Variants in OSBPL10 observed in about 807,000 individuals in gnomAD.
OSBPL10 encodes oxysterol-binding protein-related protein 10.
OSBPL10 carries 49 observed loss-of-function variants against 81.7 expected under a neutral mutation model. The ratio of observed to expected loss-of-function variants is 0.60; its 90% CI spans 0.48 to 0.76. The LOEUF is 0.76. Ranked by LOEUF, OSBPL10 falls within the 30% of genes least tolerant of loss-of-function variation. The pLI is 0.00. For synonymous variants in OSBPL10, 419 were observed against 383.6 expected (o/e 1.09, Z -1.08); for missense variants, 923 against 987.8 (o/e 0.93, Z 0.88).
chr3:31,863,156 C>T (rs1378643583), intron 3 of OSBPL10, among the ~76,000 whole-genome samples: 1 of 152,072 alleles, frequency 6.6e-6, no homozygotes, highest in African/African-American at 2.4e-5. Context: ...GAAAAAAAGC[C>T]AGACACAAAG....
At chr3:32,036,033 T>C (rs142458157) in intron 2 of OSBPL10, among the ~76,000 whole-genome samples, 3 of 152,332 alleles carry the variant, frequency 2.0e-5, no homozygotes, top group Non-Finnish European at 4.4e-5. Flanking sequence ...TACTTCATTA[T>C]GTATATTTTA....
intron 4 of OSBPL10, among the ~76,000 whole-genome samples, chr3:31,758,878 G>C (rs373764953): frequency 6.6e-6 from 1 of 152,246 alleles, no homozygotes; most frequent in East Asian, 1.9e-4. Flanking sequence ...CACCCTTGAA[G>C]TGCCTGTTTC....
chr3:31,857,806 GAGAGAGAGAAAGGGA>G (rs1559494203), intron 3 of OSBPL10, among the ~76,000 whole-genome samples: 10 of 126,434 alleles, frequency 7.9e-5, no homozygotes, highest in African/African-American at 1.1e-4. Flanking sequence ...CAGAAAGGGA[GAGAGAGAGAAAGGGA>G]GAGGGAGAGG....
In OSBPL10 at chr3:31,918,329, CTTTT is replaced by C. The variant is rs67029884; in HGVS notation, c.282-38503_282-38500del. On this transcript the variant is annotated intron_variant, in intron 1 of 11. Coordinates refer to ENST00000396556, the MANE Select transcript of OSBPL10 (RefSeq NM_017784.5). ...ACACACTGGAGTTGTTTTTTCTTTTCTTTTTTTTTTTTTTAAAGAGACAGGGTCT... is the reference window on the plus strand; with the variant it reads ...ACACACTGGAGTTGTTTTTTCTTTTCTTTTTTTTTTAAAGAGACAGGGTCT... Among the ~76,000 whole-genome samples, 1,304 of 148,310 alleles carry C rather than the reference CTTTT, an allele frequency of 8.8e-3. 14 individuals carry two copies. The highest frequency in any genetic ancestry group is 0.012 in the Non-Finnish European group (834 of 67,044).
chr3:32,006,932 T>A (rs1400581473), intron 2 of OSBPL10, among the ~76,000 whole-genome samples: 3 of 152,208 alleles, frequency 2.0e-5, no homozygotes, highest in Non-Finnish European at 4.4e-5. Context: ...TATTTTTATT[T>A]TTTCATTTCT....
chr3:31,946,602 T>C (rs4073766), intron 1 of OSBPL10, among the ~76,000 whole-genome samples: 43,644 of 152,022 alleles, frequency 0.29, 8,768 homozygotes, highest in African/African-American at 0.56. Flanking sequence ...GTAAAGGTAA[T>C]GGCATCCACC....
intron 8 of OSBPL10, among the ~76,000 whole-genome samples, chr3:31,674,738 G>A (rs952852748): frequency 6.6e-6 from 1 of 152,164 alleles, no homozygotes; most frequent in Non-Finnish European, 1.5e-5. Flanking sequence ...TGAGGCCCTC[G>A]TCAGAAGCAG....
chr3:32,073,475 A>G (rs1699849671), intron 1 of OSBPL10, among the ~76,000 whole-genome samples: 1 of 152,178 alleles, frequency 6.6e-6, no homozygotes, highest in African/African-American at 2.4e-5. Context: ...TGTATCCATC[A>G]GACAGACAGC....
chr3:31,803,123 G>A (rs763669001), intron 4 of OSBPL10, among the ~76,000 whole-genome samples: 13 of 151,850 alleles, frequency 8.6e-5, no homozygotes, highest in South Asian at 4.2e-4. Context: ...GTGTAACATC[G>A]GCTCCACCCA....
intron 4 of OSBPL10, among the ~76,000 whole-genome samples, chr3:31,813,022 G>A (rs1334276760): frequency 2.0e-5 from 3 of 152,064 alleles, no homozygotes; most frequent in African/African-American, 7.2e-5. Context: ...CATATTATGT[G>A]TTTTACATCG....
At chr3:31,880,830 G>C (rs1342737299) in intron 1 of OSBPL10, among the ~76,000 whole-genome samples, 1 of 152,160 alleles carries the variant, frequency 6.6e-6, no homozygotes, top group Non-Finnish European at 1.5e-5. Context: ...AACATTTCCT[G>C]CATTTGGCTT....
intron 7 of OSBPL10, among the ~76,000 whole-genome samples, chr3:31,684,933 G>A (rs138366382): frequency 6.6e-6 from 1 of 152,308 alleles, no homozygotes; most frequent in East Asian, 1.9e-4. Context: ...CAGAGACCTT[G>A]TAGAGGCCCG....
intron 2 of OSBPL10, among the ~76,000 whole-genome samples, chr3:31,996,765 C>T (rs1462349200): frequency 2.0e-5 from 3 of 151,968 alleles, no homozygotes; most frequent in East Asian, 1.9e-4. Flanking sequence ...AAAAAGATCC[C>T]GCTATCAACT....
At chr3:31,935,557 C>T (rs546286446) in intron 1 of OSBPL10, among the ~76,000 whole-genome samples, 66 of 149,120 alleles carry the variant, frequency 4.4e-4, no homozygotes, top group African/African-American at 1.6e-3. Flanking sequence ...GAGTCTCACT[C>T]TTTTCGCCCA....
chr3:32,052,397 G>C (rs1456946107), intron 1 of OSBPL10, among the ~76,000 whole-genome samples: 1 of 152,190 alleles, frequency 6.6e-6, no homozygotes, highest in East Asian at 1.9e-4. Flanking sequence ...ACAGTGTGGT[G>C]ATTCATCAAG....
intron 4 of OSBPL10, among the ~76,000 whole-genome samples, chr3:31,829,612 G>C (rs1700184097): frequency 6.6e-6 from 1 of 152,114 alleles, no homozygotes; most frequent in Non-Finnish European, 1.5e-5. Context: ...TGTCTATGAG[G>C]GGAAGCAGGA....
intron 1 of OSBPL10, among the ~76,000 whole-genome samples, chr3:32,073,654 C>T (rs1457862817): frequency 2.0e-5 from 3 of 152,164 alleles, no homozygotes; most frequent in Non-Finnish European, 4.4e-5. Flanking sequence ...TATGCAGTCA[C>T]CCCCACTACT....
intron 1 of OSBPL10, among the ~76,000 whole-genome samples, chr3:31,934,820 T>G (rs1328053035): frequency 6.6e-6 from 1 of 152,200 alleles, no homozygotes; most frequent in East Asian, 1.9e-4. Context: ...CTGCTTACTA[T>G]ATATCACCCT....
At chr3:31,965,849 AAAAGAT>A (rs1407144524) in intron 1 of OSBPL10, among the ~76,000 whole-genome samples, 4 of 60,598 alleles carry the variant, frequency 6.6e-5, no homozygotes, top group East Asian at 1.0e-3. Context: ...ATATTATATA[AAAAGAT>A]AATATATAAT....
Sources: allele counts gnomAD v4.1 joint callset (sites outside exome capture counted in the v4.1 genomes callset), GRCh38; gene constraint gnomAD v4.1.1; transcripts MANE v1.5; gene names NCBI Gene and HGNC (gene_info 2026-07-23, HGNC 2026-07-21).